LRRN2: variants seen among roughly 807,000 people sequenced by gnomAD.
The protein encoded by LRRN2 is leucine rich repeat neuronal 2, also known as leucine-rich repeat neuronal protein 2.
LRRN2 carries 10 observed loss-of-function variants against 35.7 expected under a neutral mutation model. The ratio of observed to expected loss-of-function variants is 0.28; its 90% CI spans 0.17 to 0.47. The LOEUF is 0.47. Among genes scored for constraint, LRRN2 ranks in the 20% least tolerant of loss-of-function variants. LRRN2 has a pLI of 0.99. For missense variants in LRRN2, 731 were observed against 940.3 expected, an observed-to-expected ratio of 0.78 and a Z score of 2.91; for synonymous variants, 391 against 409.6, an observed-to-expected ratio of 0.95 and a Z score of 0.55.
intron 1 of LRRN2, among the ~76,000 whole-genome samples, chr1:204,647,630 G>A (rs1447767748): frequency 6.6e-6 from 1 of 152,182 alleles, no homozygotes; most frequent in Non-Finnish European, 1.5e-5. Flanking sequence ...AAAGGAGAAG[G>A]GCTGGTCCCT....
intron 1 of LRRN2, among the ~76,000 whole-genome samples, chr1:204,643,357 A>C (rs2102603224): frequency 6.6e-6 from 1 of 152,216 alleles, no homozygotes; most frequent in Middle Eastern, 3.4e-3. Context: ...GCACAGGTGC[A>C]TTTTTCCGGC....
Position 204,671,919 on chromosome 1 carries a change from C to A in LRRN2, c.-227+13401G>T, listed in dbSNP as rs1196807108. On this transcript the variant is annotated intron_variant, in intron 1 of 1. Transcript: ENST00000367177. ...AGTGAGTGGCTGAGATAGGTGAGCC[C>A]GTGAAGGGACTGTTGGGTCTGGGGT... Among the ~76,000 whole-genome samples the A allele has an allele frequency of 2.6e-5, 4 of 152,180 alleles. No homozygotes were observed. The East Asian group carries it at 7.7e-4, about 29-fold the overall frequency.
intron 1 of LRRN2, among the ~76,000 whole-genome samples, chr1:204,636,219 T>C (rs141053541): frequency 1.3e-5 from 2 of 152,282 alleles, no homozygotes; most frequent in East Asian, 3.9e-4. Context: ...CTGTGATGCA[T>C]ACAGAACCTG....
At chr1:204,677,762 A>G (rs1668856940) in intron 1 of LRRN2, among the ~76,000 whole-genome samples, 1 of 152,134 alleles carries the variant, frequency 6.6e-6, no homozygotes. Context: ...AAGATCAGAG[A>G]TCATCTGGTC....
intron 1 of LRRN2, among the ~76,000 whole-genome samples, chr1:204,672,914 G>A (rs1474843053): frequency 6.6e-6 from 1 of 152,108 alleles, no homozygotes; most frequent in African/African-American, 2.4e-5. Flanking sequence ...TCAGAAGCTG[G>A]GCAGCATATC....
At chr1:204,667,398 A>T (rs1184965180) in intron 1 of LRRN2, among the ~76,000 whole-genome samples, 1 of 152,212 alleles carries the variant, frequency 6.6e-6, no homozygotes, top group East Asian at 1.9e-4. Flanking sequence ...ACAACAATTT[A>T]AAAAATAGGG....
intron 1 of LRRN2, among the ~76,000 whole-genome samples, chr1:204,624,884 T>C (rs1177818929): frequency 1.3e-5 from 2 of 152,022 alleles, no homozygotes; most frequent in Admixed American, 1.3e-4. Context: ...GGCGGCATAA[T>C]TGAGTGTAGC....
At position 204,618,844 on chromosome 1, in the gene LRRN2, C is replaced by T. The variant is rs748591976; in HGVS notation, c.1149G>A (p.Thr383=). The T allele has an allele frequency of 4.0e-5, 65 of 1,613,952 alleles. No homozygotes were observed. The highest frequency in any genetic ancestry group is 4.6e-5 in the Non-Finnish European group (54 of 1,180,032). ...CDCVIRWANA[T]GTRVRFIEPQ... ...GCTCGATGAAGCGGACACGGGTGCC[C>T]GTGGCATTGGCCCAGCGGATGACAC... Residue 383 remains threonine, a synonymous_variant, in exon 2 of 2, where the codon ACG becomes ACA. Coordinates refer to ENST00000367177, the MANE Select transcript of LRRN2 (RefSeq NM_201630.2).
At position 204,674,647 on chromosome 1, in the gene LRRN2, G is replaced by A. The variant is rs1269269207; in HGVS notation, c.-227+10673C>T. ...GTGATAAATGCTGCATAAGCTTCAC[G>A]AGGGCAGGTGCAGCCTGGGCCAGTG... On this transcript the variant is annotated intron_variant, in intron 1 of 1. Transcript: ENST00000367177. 2.0e-5 allele frequency among the ~76,000 whole-genome samples: 3 copies of A among 152,194 alleles called. No individual in the cohort carries two copies. In the East Asian group the frequency reaches 5.8e-4, roughly 29 times the overall value.
At position 204,618,105 on chromosome 1, in the gene LRRN2, C is replaced by G; in HGVS notation, c.1888G>C (p.Gly630Arg). The G allele has an allele frequency of 6.2e-7, 1 of 1,614,096 alleles. No individual in the cohort carries two copies. The highest frequency in any genetic ancestry group is 8.5e-7 in the Non-Finnish European group (1 of 1,179,972). ...SCHRALGDRP[G>R]LIAILALAVL... ...GCGAGAGCCAGGATGGCAATGAGCC[C>G]AGGACGGTCCCCTAAGGCTCTGTGG... The change falls in exon 2 of 2, where the codon GGG becomes CGG. Residue 630 changes from glycine (G) to arginine (R), a missense_variant. Physicochemically the swap from Gly to Arg is moderately radical, Grantham distance 125. This residue lies in a region of LRRN2 where 229 missense variants were observed against 258.4 expected (regional missense o/e 0.89). Coordinates refer to ENST00000367177, the MANE Select transcript of LRRN2 (RefSeq NM_201630.2).
In LRRN2 at chr1:204,620,141, C is replaced by A. The variant is rs1029530561; in HGVS notation, c.-149G>T. On this transcript the variant is annotated 5_prime_UTR_variant, in exon 2 of 2. The change creates a new upstream start codon in the 5' untranslated region. Coordinates refer to ENST00000367177, the MANE Select transcript of LRRN2 (RefSeq NM_201630.2). ...TCTACACCGGGCGTCACTTCTTGCC[C>A]TCCTCAATATGCCTTCTCTTCCTTG... 1.0e-5 allele frequency: 15 copies of A among 1,459,366 alleles called. No individual in the cohort carries two copies. The African/African-American group carries it at 2.1e-4, about 21-fold the overall frequency. The allele number at this position is 1,459,366 out of a possible 1,614,324, so 90.4% of individuals were successfully genotyped here. A position where few individuals can be genotyped will look rare whatever the true frequency, so the allele number is the denominator to read the frequency against.
intron 1 of LRRN2, among the ~76,000 whole-genome samples, chr1:204,637,614 C>G (rs1464872552): frequency 6.6e-6 from 1 of 151,796 alleles, no homozygotes; most frequent in Non-Finnish European, 1.5e-5. Context: ...AATCCTTTCC[C>G]AGACCAGAGT....
In LRRN2 at chr1:204,619,561, C is replaced by T. The variant is rs193227107; in HGVS notation, c.432G>A (p.Gln144=). The change falls in exon 2 of 2, where the codon CAG becomes CAA. Residue 144 remains glutamine, a synonymous_variant. Coordinates refer to ENST00000367177, the MANE Select transcript of LRRN2 (RefSeq NM_201630.2). ...DHSFAGLASL[Q]ELYLNHNQLY... is the part of the protein sequence containing the mutation. ...GCTGGTTGTGGTTGAGATAGAGTTC[C>T]TGTAGGCTGGCCAGCCCTGCAAAGC... is the stretch of plus-strand genomic sequence containing the variant. The T allele has an allele frequency of 2.2e-5, 35 of 1,614,208 alleles. No homozygotes were observed. The East Asian group carries it at 6.9e-4, about 32-fold the overall frequency.
In LRRN2 at chr1:204,685,495, G is replaced by T. The variant is rs1457246483; in HGVS notation, c.-402C>A. 1 of 151,482 alleles carries T rather than the reference G, an allele frequency of 6.6e-6. No individual in the cohort carries two copies. 9.4% of individuals were successfully genotyped at this position (151,482 alleles called of 1,614,324 possible). A position where few individuals can be genotyped will look rare whatever the true frequency, so the allele number is the denominator to read the frequency against. On this transcript the variant is annotated 5_prime_UTR_variant, in exon 1 of 2. Coordinates refer to ENST00000367177, the MANE Select transcript of LRRN2 (RefSeq NM_201630.2). ...CCCAACGTGGAGTTATCCTGGGAGC[G>T]GCTCCAGGGCCCAGCCGGTGAGGGC...
intron 1 of LRRN2, among the ~76,000 whole-genome samples, chr1:204,658,864 T>C (rs1668412493): frequency 6.6e-6 from 1 of 152,234 alleles, no homozygotes; most frequent in African/African-American, 2.4e-5. Flanking sequence ...TTACTTCTAG[T>C]GTGGTTTGGG....
chr1:204,658,017 G>A (rs1267026909), intron 1 of LRRN2, among the ~76,000 whole-genome samples: 6 of 121,180 alleles, frequency 5.0e-5, no homozygotes, highest in Admixed American at 2.2e-4. Flanking sequence ...TCACTCTGTC[G>A]CCCAGGCTGG....
At position 204,617,923 on chromosome 1, in the gene LRRN2, C is replaced by T. The variant is rs760228518; in HGVS notation, c.2070G>A (p.Trp690Ter). The change falls in exon 2 of 2, where the codon TGG becomes TGA. Residue 690 changes from tryptophan (W) to a stop codon, truncating the protein, a stop_gained. Coordinates refer to ENST00000367177, the MANE Select transcript of LRRN2 (RefSeq NM_201630.2). LOFTEE classifies it high-confidence loss of function. Reference sequence around the variant, plus strand: ...ATCTGGGCAGCTTCCTCCCTGGATTCCAGGGCAGGACGAGGGGAGCAGACA... The same window carrying T: ...ATCTGGGCAGCTTCCTCCCTGGATTTCAGGGCAGGACGAGGGGAGCAGACA... ...RVVSAPLVLP[W>*]NPGRKLPRSS... is the part of the protein sequence containing the mutation. 3 of 1,614,060 alleles carry T rather than the reference C, an allele frequency of 1.9e-6. No individual in the cohort carries two copies. The highest frequency in any genetic ancestry group is 2.5e-6 in the Non-Finnish European group (3 of 1,180,034).
At chr1:204,620,396 C>A in intron 1 of LRRN2, 178 bp from the exon 2 acceptor site, 1 of 236,286 alleles carries the variant, frequency 4.2e-6, no homozygotes, top group Non-Finnish European at 8.6e-6. Context: ...GGCTCAGCCA[C>A]CTGAGTAGCT....
intron 1 of LRRN2, among the ~76,000 whole-genome samples, chr1:204,657,511 T>A (rs917329352): frequency 2.6e-5 from 4 of 152,156 alleles, no homozygotes; most frequent in African/African-American, 9.7e-5. Context: ...TCCATTTCTA[T>A]GACACGTCCA....
Sources: allele counts gnomAD v4.1 joint callset (sites outside exome capture counted in the v4.1 genomes callset), GRCh38; gene constraint gnomAD v4.1.1; regional missense constraint gnomAD v4.1.1; transcripts MANE v1.5; gene names NCBI Gene and HGNC (gene_info 2026-07-23, HGNC 2026-07-21).